The following AGBL1 variants were observed in gnomAD, a reference collection of about 807,000 sequenced individuals.
The protein encoded by AGBL1 is AGBL carboxypeptidase 1, also known as cytosolic carboxypeptidase 4.
A neutral mutation model predicts 118.9 loss-of-function variants in AGBL1; 130 were observed. The ratio of observed to expected loss-of-function variants is 1.09; its 90% CI spans 0.95 to 1.26. The LOEUF (loss-of-function observed/expected upper bound fraction) is 1.26. Among genes scored for constraint, AGBL1 ranks in the 50% most tolerant of loss-of-function variants. The pLI is 0.00. For synonymous variants in AGBL1, 555 were observed against 478.9 expected (o/e 1.16, Z -2.08); for missense variants, 1,584 against 1,298.1 (o/e 1.22, Z -3.38).
At chr15:86,183,024 T>C (rs763183004) in intron 5 of AGBL1, among the ~76,000 whole-genome samples, 1 of 152,228 alleles carries the variant, frequency 6.6e-6, no homozygotes, top group African/African-American at 2.4e-5. Flanking sequence ...GAAGTTCTCA[T>C]ATGCAGGTTT....
intron 22 of AGBL1, among the ~76,000 whole-genome samples, chr15:86,883,674 A>T (rs924486307): frequency 5.9e-5 from 9 of 152,180 alleles, no homozygotes; most frequent in Non-Finnish European, 1.0e-4. Flanking sequence ...TGTGCCCAGT[A>T]ATATCCCTAG....
chr15:86,229,192 CT>C (rs1597590623), intron 6 of AGBL1, among the ~76,000 whole-genome samples: 1 of 152,118 alleles, frequency 6.6e-6, no homozygotes, highest in Non-Finnish European at 1.5e-5. Context: ...GTTTTTCCCT[CT>C]GTATTAGTCT....
intron 22 of AGBL1, among the ~76,000 whole-genome samples, chr15:86,825,548 A>T (rs984290416): frequency 6.6e-6 from 1 of 151,598 alleles, no homozygotes; most frequent in African/African-American, 2.4e-5. Flanking sequence ...CAAAAAAGAG[A>T]CATTTTAGCA....
At chr15:86,495,385 C>A (rs2082835887) in intron 18 of AGBL1, among the ~76,000 whole-genome samples, 1 of 126,160 alleles carries the variant, frequency 7.9e-6, no homozygotes. Flanking sequence ...TTTTAAATAC[C>A]TCTATCTTTT....
At chr15:86,224,102 C>G (rs951782464) in intron 5 of AGBL1, among the ~76,000 whole-genome samples, 27 of 152,190 alleles carry the variant, frequency 1.8e-4, no homozygotes, top group Admixed American at 3.9e-4. Context: ...CTTAGCAGGC[C>G]TTAGGGATAA....
At chr15:86,789,741 T>C (rs1388733982) in intron 22 of AGBL1, among the ~76,000 whole-genome samples, 2 of 152,122 alleles carry the variant, frequency 1.3e-5, no homozygotes, top group Non-Finnish European at 2.9e-5. Context: ...CCTATGTTTT[T>C]GAAAGAGTAG....
At chr15:86,128,287 G>A (rs1597431218) in intron 1 of AGBL1, among the ~76,000 whole-genome samples, 1 of 151,970 alleles carries the variant, frequency 6.6e-6, no homozygotes, top group East Asian at 1.9e-4. Flanking sequence ...ATTTATCAAG[G>A]CATCAGATCT....
chr15:86,270,831 G>T (rs955425793), intron 14 of AGBL1, among the ~76,000 whole-genome samples: 2 of 152,138 alleles, frequency 1.3e-5, no homozygotes, highest in African/African-American at 4.8e-5. Context: ...CAGTTCTGGG[G>T]TTCAGAAGTC....
At chr15:87,026,086 A>G (rs1174547641) in intron 24 of AGBL1, among the ~76,000 whole-genome samples, 2 of 152,098 alleles carry the variant, frequency 1.3e-5, no homozygotes, top group Non-Finnish European at 2.9e-5. Context: ...CCTTATAGAC[A>G]CTGGTTTAGG....
chr15:87,011,418 G>A lies in AGBL1; in HGVS notation c.3324-17407G>A, dbSNP rs192527864. Among the ~76,000 whole-genome samples the A allele has an allele frequency of 2.0e-5, 3 of 152,304 alleles. No homozygotes were observed. The East Asian group carries it at 5.8e-4, about 29-fold the overall frequency. On this transcript the variant is annotated intron_variant, in intron 24 of 24. Coordinates refer to the AGBL1 transcript ENST00000441037. ...CAAGTAGAACATAAATGGGGGAAAA[G>A]GGGGAATATTATGTAACAACAGCTA...
chr15:86,592,970 A>G (rs1328488909), intron 21 of AGBL1, among the ~76,000 whole-genome samples: 4 of 152,072 alleles, frequency 2.6e-5, no homozygotes, highest in African/African-American at 9.7e-5. Flanking sequence ...TTCTAACTTC[A>G]TCGTTACTTC....
chr15:86,574,903 T>C (rs1596281187), intron 21 of AGBL1, among the ~76,000 whole-genome samples: 1 of 151,936 alleles, frequency 6.6e-6, no homozygotes, highest in Admixed American at 6.5e-5. Flanking sequence ...ATAAAAGTGA[T>C]TGCATGGCTG....
intron 18 of AGBL1, among the ~76,000 whole-genome samples, chr15:86,459,019 C>T (rs1041954261): frequency 1.3e-5 from 2 of 152,114 alleles, no homozygotes; most frequent in African/African-American, 4.8e-5. Context: ...TCATACATAT[C>T]CTCGAATGAA....
intron 17 of AGBL1, among the ~76,000 whole-genome samples, chr15:86,393,264 T>G (rs2141983895): frequency 6.6e-6 from 1 of 152,318 alleles, no homozygotes. Flanking sequence ...TGTTAGAGCT[T>G]GCATTTGGCT....
chr15:86,865,940 C>T (rs2079621812), intron 22 of AGBL1, among the ~76,000 whole-genome samples: 2 of 152,164 alleles, frequency 1.3e-5, no homozygotes, highest in Non-Finnish European at 2.9e-5. Context: ...CTAGGTCTGG[C>T]ATATAACCAA....
At chr15:86,121,862 TGTA>T (rs1898112929) in intron 1 of AGBL1, among the ~76,000 whole-genome samples, 1 of 152,242 alleles carries the variant, frequency 6.6e-6, no homozygotes, top group African/African-American at 2.4e-5. Flanking sequence ...TGTTGCCTAA[TGTA>T]GTCATTGTGC....
intron 22 of AGBL1, among the ~76,000 whole-genome samples, chr15:86,707,823 A>G (rs2086479779): frequency 6.6e-6 from 1 of 152,078 alleles, no homozygotes; most frequent in Non-Finnish European, 1.5e-5. Flanking sequence ...TTCCTTTTTC[A>G]ATGGAGATGA....
intron 22 of AGBL1, among the ~76,000 whole-genome samples, chr15:86,802,119 T>G (rs1425930465): frequency 6.6e-6 from 1 of 152,130 alleles, no homozygotes. Flanking sequence ...GGAGACTAAG[T>G]TTATGAGTCT....
intron 24 of AGBL1, among the ~76,000 whole-genome samples, chr15:87,006,686 T>C (rs1368700825): frequency 6.6e-6 from 1 of 152,148 alleles, no homozygotes; most frequent in Non-Finnish European, 1.5e-5. Context: ...CTTTGTGCAC[T>C]GCACCCACTG....
Sources: gnomAD v4.1 joint callset for allele counts (sites outside exome capture counted in the v4.1 genomes callset) on GRCh38, gnomAD v4.1.1 for gene constraint, MANE v1.5 for transcripts, NCBI Gene and HGNC (gene_info 2026-07-23, HGNC 2026-07-21) for gene names.